SORBS3: variants seen among roughly 807,000 people sequenced by gnomAD.
SORBS3 encodes the protein sorbin and SH3 domain containing 3, also known as vinexin.
A neutral mutation model predicts 98.0 loss-of-function variants in SORBS3; 69 were observed. The observed-to-expected ratio is 0.70, with a 90% CI of 0.58 to 0.86. The LOEUF is 0.86. Ranked by LOEUF, SORBS3 falls within the 40% of genes least tolerant of loss-of-function variation. The pLI, the probability that SORBS3 is intolerant of heterozygous loss-of-function variation, is 0.00. For synonymous variants in SORBS3, 394 were observed against 355.4 expected (o/e 1.11, Z -1.22); for missense variants, 954 against 908.5 (o/e 1.05, Z -0.64).
Position 22,570,915 on chromosome 8 carries a change from G to T in SORBS3, c.1437G>T (p.Glu479Asp), listed in dbSNP as rs1346585556. 1.3e-6 allele frequency: 2 copies of T among 1,594,398 alleles called. No homozygotes were observed. Among genetic ancestry groups the T allele is most frequent in the Admixed American group, 1.7e-5 (1 of 59,218 alleles). Residue 479 changes from glutamate to aspartate, a missense_variant, in exon 18 of 21, where the codon GAG becomes GAT. Physicochemically the swap from Glu to Asp is conservative, Grantham distance 45 (BLOSUM62 2). Coordinates refer to ENST00000240123, the MANE Select transcript of SORBS3 (RefSeq NM_005775.5). The part of the protein sequence containing the change: ...LEVELSFRKG[E>D]HICLIRKVNE... ...ACTGACTTTTCCCCCCTCAGGGAGA[G>T]CACATCTGCCTGATCCGCAAGGTGA...
In SORBS3 at chr8:22,572,278, G is replaced by T; in HGVS notation, c.1848-62G>T. ...GGACCCTGGGGCATTCACAGGAAGC[G>T]GCAACACTTGGGTTAGAGCCTCTGG... On this transcript the variant is annotated intron_variant, in intron 19 of 20. Transcript: ENST00000240123. 3 of 1,369,984 alleles carry T rather than the reference G, an allele frequency of 2.2e-6. No homozygotes were observed. In the Admixed American group the frequency reaches 5.0e-5, roughly 23 times the overall value. 84.9% of individuals were successfully genotyped at this position (1,369,984 alleles called of 1,614,324 possible).
At chr8:22,552,792 C>T (rs1459191016) in intron 1 of SORBS3, among the ~76,000 whole-genome samples, 1 of 152,226 alleles carries the variant, frequency 6.6e-6, no homozygotes, top group Non-Finnish European at 1.5e-5. Context: ...GGTCTCCTGA[C>T]CTTCCACCCC....
At chr8:22,550,095 T>C (rs898981434), upstream of SORBS3, 1 of 852,792 alleles carries the variant, frequency 1.2e-6, no homozygotes, top group African/African-American at 1.8e-5. Context: ...TGGGCACCTA[T>C]TTTATCCCTG....
chr8:22,559,264 G>T (rs1346072046), intron 5 of SORBS3, among the ~76,000 whole-genome samples: 1 of 152,208 alleles, frequency 6.6e-6, no homozygotes, highest in African/African-American at 2.4e-5. Flanking sequence ...TGGTGGGACA[G>T]GATGAGACTC....
upstream of SORBS3, among the ~76,000 whole-genome samples, chr8:22,549,364 C>T (rs912749026): frequency 6.6e-6 from 1 of 152,186 alleles, no homozygotes; most frequent in African/African-American, 2.4e-5. Flanking sequence ...TCTCCCTAAC[C>T]GTGCCAGCTG....
At position 22,554,547 on chromosome 8, in the gene SORBS3, T is replaced by C; in HGVS notation, c.41T>C (p.Leu14Pro). 6.2e-7 allele frequency: 1 copy of C among 1,612,986 alleles called. No homozygotes were observed. The highest frequency in any genetic ancestry group is 8.5e-7 in the Non-Finnish European group (1 of 1,179,974). Residue 14 changes from leucine (L) to proline (P), a missense_variant, in exon 2 of 21, where the codon CTG (leucine) becomes CCG (proline). Coordinates refer to ENST00000240123, the MANE Select transcript of SORBS3 (RefSeq NM_005775.5). The surrounding 1 kb of genome is among the most constrained non-coding windows in gnomAD (Gnocchi z 6.5). ...CGCAGCCTCCGCGCTGGGCTCAGCC[T>C]GGACGACTTCATCCCTGGCCACCTC... Reference protein sequence around the residue: ...PPRSLRAGLSLDDFIPGHLQS... With the variant: ...PPRSLRAGLSPDDFIPGHLQS...
intron 7 of SORBS3, among the ~76,000 whole-genome samples, chr8:22,562,334 G>T (rs1274344701): frequency 6.6e-6 from 1 of 152,212 alleles, no homozygotes; most frequent in African/African-American, 2.4e-5. Flanking sequence ...AAACCTGAGA[G>T]AAAACAAGGG....
chr8:22,548,090 A>G (rs79192398), upstream of SORBS3, among the ~76,000 whole-genome samples: 111 of 152,194 alleles, frequency 7.3e-4, 2 homozygotes, highest in East Asian at 0.02. Context: ...ATCATACTTG[A>G]CCTGTACTGG....
In SORBS3 at chr8:22,551,950, A is replaced by G; in HGVS notation, c.-128A>G. On this transcript the variant is annotated 5_prime_UTR_variant, in exon 1 of 21. Coordinates refer to ENST00000240123, the MANE Select transcript of SORBS3 (RefSeq NM_005775.5). This position sits in a 1 kb window ranked among gnomAD's most constrained non-coding sequence, Gnocchi z 5.8. Reference sequence around the variant, plus strand: ...CCCTTCCTCCTCGAGCGCCCGCGCCAGGCAGCAGCCGGGCAGGGATGCTCC... The same window carrying G: ...CCCTTCCTCCTCGAGCGCCCGCGCCGGGCAGCAGCCGGGCAGGGATGCTCC... 1 of 985,246 alleles carries G rather than the reference A, an allele frequency of 1.0e-6. No individual in the cohort carries two copies. Among genetic ancestry groups the G allele is most frequent in the Non-Finnish European group, 1.2e-6 (1 of 829,924 alleles). The allele number at this position is 985,246 out of a possible 1,614,324, so 61.0% of individuals were successfully genotyped here.
intron 17 of SORBS3, among the ~76,000 whole-genome samples, chr8:22,570,090 T>G (rs1304297160): frequency 2.0e-5 from 3 of 152,228 alleles, no homozygotes; most frequent in Admixed American, 2.0e-4. Flanking sequence ...TGAAAAATGC[T>G]GTTCTAGAAA....
chr8:22,565,928 A>G, intron 12 of SORBS3, 56 bp downstream of exon 12: 1 of 1,144,968 alleles, frequency 8.7e-7, no homozygotes, highest in Admixed American at 4.4e-5. Flanking sequence ...GCGGGAGGGA[A>G]CGTGGCGCGG....
chr8:22,573,219 T>C (rs1840635851), intron 20 of SORBS3: 6 of 420,286 alleles, frequency 1.4e-5, no homozygotes, highest in South Asian at 1.0e-4. Flanking sequence ...AGCCTGTGAA[T>C]GGCCCCTACC....
rs980715302 is a variant in SORBS3, at chr8:22,551,947, G to A, written c.-131G>A. The A allele has an allele frequency of 1.6e-5, 16 of 985,218 alleles. No individual in the cohort carries two copies. Among genetic ancestry groups the A allele is most frequent in the Non-Finnish European group, 1.8e-5 (15 of 829,950 alleles). 61.0% of individuals were successfully genotyped at this position (985,218 alleles called of 1,614,324 possible). On this transcript the variant is annotated 5_prime_UTR_variant, in exon 1 of 21. Transcript: ENST00000240123. The surrounding 1 kb of genome is among the most constrained non-coding windows in gnomAD (Gnocchi z 5.8). ...TTGCCCTTCCTCCTCGAGCGCCCGCGCCAGGCAGCAGCCGGGCAGGGATGC... is the reference window on the plus strand; with the variant it reads ...TTGCCCTTCCTCCTCGAGCGCCCGCACCAGGCAGCAGCCGGGCAGGGATGC...
rs140286650 is a variant in SORBS3, at chr8:22,556,903, C to G, written c.409C>G (p.Arg137Gly). The G allele has an allele frequency of 1.2e-6, 2 of 1,612,630 alleles. No homozygotes were observed. Among genetic ancestry groups the G allele is most frequent in the Admixed American group, 3.3e-5 (2 of 60,018 alleles). ...VDESGMPIAP[R>G]SSVDRPRDWY... ...CGAGAGCGGCATGCCCATTGCCCCC[C>G]GATCCGTGAGTCCAGGGCTGGGGGC... Residue 137 changes from arginine (R) to glycine (G), a missense_variant, in exon 4 of 21, where the codon CGA (arginine) becomes GGA (glycine). Transcript: ENST00000240123.
At chr8:22,565,145 G>C in intron 10 of SORBS3, 123 bp from the exon 11 acceptor site, 1 of 1,473,036 alleles carries the variant, frequency 6.8e-7, no homozygotes, top group African/African-American at 1.4e-5. Flanking sequence ...CGGCCCGTGC[G>C]CTGAGGCCTG....
chr8:22,549,598 CCA>C (rs1385100182), upstream of SORBS3, among the ~76,000 whole-genome samples: 2 of 152,208 alleles, frequency 1.3e-5, no homozygotes, highest in African/African-American at 4.8e-5. Flanking sequence ...GGCTGTGAGG[CCA>C]GATGGGCACC....
exon 1 of SORBS3, chr8:22,545,102 C>G (rs1027799660): frequency 2.6e-5 from 4 of 152,216 alleles, no homozygotes; most frequent in Admixed American, 1.3e-4. Flanking sequence ...GGCACCGGGT[C>G]CACATCTTTT....
intron 16 of SORBS3, among the ~76,000 whole-genome samples, chr8:22,568,072 G>A (rs140662679): frequency 0.017 from 2,623 of 152,106 alleles, 71 homozygotes; most frequent in African/African-American, 0.059. Context: ...GGCTGGTCTC[G>A]AACTCCTGAC....
rs1384719970 is a variant in SORBS3, at chr8:22,554,258, TGGG to T, written c.-55-193_-55-191del. The T allele has an allele frequency of 8.1e-6, 3 of 368,400 alleles. No individual in the cohort carries two copies. The highest frequency in any genetic ancestry group is 1.2e-4 in the East Asian group (2 of 16,578). The allele number at this position is 368,400 out of a possible 1,614,324, so 22.8% of individuals were successfully genotyped here. A position where few individuals can be genotyped will look rare whatever the true frequency, so the allele number is the denominator to read the frequency against. ...CCTAACAAGTGGTCCATTGTGCCCC[TGGG>T]AGCCGGCAGGCACGGGCAGCCTGCA... On this transcript the variant is annotated intron_variant, in intron 1 of 20. Coordinates refer to ENST00000240123, the MANE Select transcript of SORBS3 (RefSeq NM_005775.5). This position sits in a 1 kb window ranked among gnomAD's most constrained non-coding sequence, Gnocchi z 6.5.
Sources: allele counts gnomAD v4.1 joint callset (sites outside exome capture counted in the v4.1 genomes callset), GRCh38; gene constraint gnomAD v4.1.1; non-coding constraint Gnocchi (gnomAD v3.1); transcripts MANE v1.5; gene names NCBI Gene and HGNC (gene_info 2026-07-23, HGNC 2026-07-21).